The following DOCK5 variants were observed in gnomAD, a reference collection of about 807,000 sequenced individuals.
DOCK5 encodes dedicator of cytokinesis protein 5.
Under a neutral mutation model 251.8 loss-of-function variants are expected in DOCK5, and 142 were observed. The ratio of observed to expected loss-of-function variants is 0.56; its 90% CI spans 0.49 to 0.65. The LOEUF (loss-of-function observed/expected upper bound fraction) is 0.65. DOCK5 is among the 30% of genes least tolerant of loss of function. The pLI is 0.00. For missense variants in DOCK5, 2,111 were observed against 2,312.3 expected, an observed-to-expected ratio of 0.91 and a Z score of 1.79; for synonymous variants, 842 against 835.5, an observed-to-expected ratio of 1.01 and a Z score of -0.13.
Position 25,186,133 on chromosome 8 carries a change from A to C in DOCK5, c.43+1182A>C, listed in dbSNP as rs139639110. Among the ~76,000 whole-genome samples, 7 of 152,222 alleles carry C rather than the reference A, an allele frequency of 4.6e-5. No individual in the cohort carries two copies. The East Asian group carries it at 1.2e-3, about 25-fold the overall frequency. On this transcript the variant is annotated intron_variant, in intron 1 of 51. Coordinates refer to ENST00000276440, the MANE Select transcript of DOCK5 (RefSeq NM_024940.8). ...GGGGCTTTTCAACTCTGTAGCCAGG[A>C]GTCAGGGTTTTTTGTTGTTGTTTGT... is the stretch of plus-strand genomic sequence containing the variant.
At chr8:25,240,168 C>G (rs1345141657) in intron 1 of DOCK5, among the ~76,000 whole-genome samples, 1 of 151,928 alleles carries the variant, frequency 6.6e-6, no homozygotes, top group Non-Finnish European at 1.5e-5. Flanking sequence ...CTTATGGGTT[C>G]CTTGGATTGT....
At chr8:25,285,666 C>T (rs1312995864) in intron 5 of DOCK5, among the ~76,000 whole-genome samples, 1 of 152,182 alleles carries the variant, frequency 6.6e-6, no homozygotes, top group Non-Finnish European at 1.5e-5. Flanking sequence ...TTTAAAGCTG[C>T]TGGATTCTAA....
intron 40 of DOCK5, among the ~76,000 whole-genome samples, chr8:25,384,451 A>ATTTTTTTT (rs1311005105): frequency 7.5e-5 from 2 of 26,548 alleles, no homozygotes; most frequent in Admixed American, 6.4e-4. Flanking sequence ...TTATTTATTT[A>ATTTTTTTT]TTTATTTATT....
intron 2 of DOCK5, among the ~76,000 whole-genome samples, chr8:25,247,316 G>A (rs1195192418): frequency 6.6e-6 from 1 of 152,118 alleles, no homozygotes; most frequent in African/African-American, 2.4e-5. Context: ...TAATTTTAAG[G>A]ATGAGTGTGG....
Position 25,332,483 on chromosome 8 carries a change from C to T in DOCK5, c.2002-120C>T. 9 of 1,193,600 alleles carry T rather than the reference C, an allele frequency of 7.5e-6. No homozygotes were observed. In the Middle Eastern group the frequency reaches 1.6e-3, roughly 212 times the overall value. The allele number at this position is 1,193,600 out of a possible 1,614,324, so 73.9% of individuals were successfully genotyped here. On this transcript the variant is annotated intron_variant, in intron 19 of 51. Transcript: ENST00000276440. ...AAATCTACGTTGTTAAACAAGTGTG[C>T]TAGTTTTTTAAAAAATGCTATTTTA...
chr8:25,197,453 C>T (rs1040421395), intron 1 of DOCK5, among the ~76,000 whole-genome samples: 1 of 152,126 alleles, frequency 6.6e-6, no homozygotes, highest in African/African-American at 2.4e-5. Flanking sequence ...GGTCATTATC[C>T]ACCTTTTCCC....
chr8:25,317,059 A>G lies in DOCK5; in HGVS notation c.1371A>G (p.Lys457=). ...YVTLIHGEFD[K]GKKKTPKNVE... is the part of the protein sequence containing the mutation. ...CCCTGATCCACGGTGAGTTTGACAA[A>G]GGGAAGAAGAAGACGCCAAAGAATG... Residue 457 remains lysine, a synonymous_variant, in exon 14 of 52, where the codon AAA becomes AAG. Coordinates refer to ENST00000276440, the MANE Select transcript of DOCK5 (RefSeq NM_024940.8). 6.2e-7 allele frequency: 1 copy of G among 1,613,980 alleles called. No individual in the cohort carries two copies. Among genetic ancestry groups the G allele is most frequent in the Non-Finnish European group, 8.5e-7 (1 of 1,179,860 alleles).
intron 1 of DOCK5, among the ~76,000 whole-genome samples, chr8:25,193,597 C>CAA (rs201451044): frequency 1.3e-5 from 2 of 149,166 alleles, no homozygotes; most frequent in African/African-American, 4.9e-5. Context: ...CCCGTCTCTA[C>CAA]AAAAAAAAAT....
chr8:25,270,835 C>G (rs746976676), intron 3 of DOCK5: 9 of 711,320 alleles, frequency 1.3e-5, no homozygotes, highest in Admixed American at 2.0e-5. Context: ...CATGGATGCT[C>G]AAGTCTCTGA....
chr8:25,402,641 C>G (rs779009891), intron 47 of DOCK5, among the ~76,000 whole-genome samples: 2 of 151,730 alleles, frequency 1.3e-5, no homozygotes, highest in Non-Finnish European at 2.9e-5. Context: ...ATAGAGTCTC[C>G]CTATGTTGCC....
chr8:25,317,116 G>A lies in DOCK5; in HGVS notation c.1428G>A (p.Glu476=). Residue 476 remains glutamate (E), a synonymous_variant, in exon 14 of 52, where the codon GAG becomes GAA. Transcript: ENST00000276440. Reference sequence around the variant, plus strand: ...TGACGATGTCTGTGCACGATGAGGAGGGCAAGCTCTTGGAGGTGCGCGGCA... The same window carrying A: ...TGACGATGTCTGTGCACGATGAGGAAGGCAAGCTCTTGGAGGTGCGCGGCA... ...VEVTMSVHDE[E]GKLLEKAIHP... 6.2e-7 allele frequency: 1 copy of A among 1,613,786 alleles called. No individual in the cohort carries two copies. Among genetic ancestry groups the A allele is most frequent in the East Asian group, 2.2e-5 (1 of 44,880 alleles).
chr8:25,323,817 A>C, intron 16 of DOCK5, 31 bp from the exon 17 acceptor site: 1 of 1,603,734 alleles, frequency 6.2e-7, no homozygotes, highest in Non-Finnish European at 8.5e-7. Context: ...GTCTCTCTGC[A>C]CTGCTCAGAC....
rs945476635 is a variant in DOCK5, at chr8:25,184,827, C to G, written c.-82C>G. ...ACATGGCGGAAGCGTCTGGGGCACG[C>G]AGGAGCGCGGGGCGGCGGCGGCCGG... On this transcript the variant is annotated 5_prime_UTR_variant, in exon 1 of 52. Coordinates refer to ENST00000276440, the MANE Select transcript of DOCK5 (RefSeq NM_024940.8). The G allele has an allele frequency of 2.0e-5, 24 of 1,214,760 alleles. No homozygotes were observed. In the African/African-American group the frequency reaches 2.7e-4, roughly 14 times the overall value. The allele number at this position is 1,214,760 out of a possible 1,614,324, so 75.2% of individuals were successfully genotyped here. A position where few individuals can be genotyped will look rare whatever the true frequency, so the allele number is the denominator to read the frequency against.
intron 5 of DOCK5, 64 bp from the exon 6 acceptor site, chr8:25,291,960 T>C (rs751968702): frequency 4.1e-5 from 58 of 1,417,836 alleles, no homozygotes; most frequent in Non-Finnish European, 5.2e-5. Context: ...AAAAAAAGGA[T>C]GTTCCCATCC....
chr8:25,347,387 T>A (rs1035403580), intron 26 of DOCK5, among the ~76,000 whole-genome samples: 1 of 152,228 alleles, frequency 6.6e-6, no homozygotes, highest in Non-Finnish European at 1.5e-5. Flanking sequence ...TCATTATAGA[T>A]CATTCCCCCT....
intron 3 of DOCK5, among the ~76,000 whole-genome samples, chr8:25,271,635 A>AAATTGAAGAAGCCAAGCGCTTTTCC (rs1803915361): frequency 6.6e-6 from 1 of 152,238 alleles, no homozygotes; most frequent in South Asian, 2.1e-4. Flanking sequence ...GTGGTTTTAC[A>AAATTGAAGAAGCCAAGCGCTTTTCC]AATTGAAGAA....
chr8:25,310,257 G>T, intron 12 of DOCK5, 150 bp from the exon 13 acceptor site: 1 of 699,330 alleles, frequency 1.4e-6, no homozygotes, highest in East Asian at 3.1e-5. Flanking sequence ...TTTAATGGAA[G>T]TGTCATTAAA....
intron 1 of DOCK5, among the ~76,000 whole-genome samples, chr8:25,235,014 C>T (rs774701124): frequency 2.0e-5 from 3 of 152,094 alleles, no homozygotes; most frequent in Non-Finnish European, 4.4e-5. Flanking sequence ...GGAAGCTGGA[C>T]ACGGCGAGAA....
intron 27 of DOCK5, among the ~76,000 whole-genome samples, chr8:25,354,935 G>T (rs1236533512): frequency 6.6e-6 from 1 of 152,126 alleles, no homozygotes; most frequent in Non-Finnish European, 1.5e-5. Flanking sequence ...CGTTAAAAAA[G>T]GGAATCAAGA....
Sources: gnomAD v4.1 joint callset for allele counts (sites outside exome capture counted in the v4.1 genomes callset) on GRCh38, gnomAD v4.1.1 for gene constraint, MANE v1.5 for transcripts, NCBI Gene and HGNC (gene_info 2026-07-23, HGNC 2026-07-21) for gene names.